CAST: variants seen among roughly 807,000 people sequenced by gnomAD.
The protein encoded by CAST is calpastatin, also known as MIR583 host.
CAST carries 76 observed loss-of-function variants against 119.6 expected under a neutral mutation model. That is an observed-to-expected ratio of 0.64 (90% confidence interval 0.53 to 0.77). The LOEUF is 0.77. CAST is among the 30% of genes least tolerant of loss of function. The pLI is 0.00. For missense variants in CAST, 953 were observed against 946.5 expected (o/e 1.01, Z -0.09); for synonymous variants, 319 against 331.6 (o/e 0.96, Z 0.41).
chr5:96,470,523 T>C, the CAST span, among the ~76,000 whole-genome samples: 1 of 152,088 alleles, frequency 6.6e-6, no homozygotes, highest in East Asian at 1.9e-4. Context: ...AGATTTCCGG[T>C]ATTCAAATTA....
chr5:96,248,995 T>C, the CAST span, among the ~76,000 whole-genome samples: 21 of 152,214 alleles, frequency 1.4e-4, no homozygotes, highest in Non-Finnish European at 2.8e-4. Context: ...AAGGTACTTA[T>C]AGCTGTTTGT....
chr5:96,048,841 C>T, the CAST span, among the ~76,000 whole-genome samples: 1 of 152,060 alleles, frequency 6.6e-6, no homozygotes, highest in Non-Finnish European at 1.5e-5. Context: ...AGACGTAGTT[C>T]CCAAAGAGTA....
At position 96,695,844 on chromosome 5, in the gene CAST, A is replaced by C. The variant is rs756869228; in HGVS notation, c.147A>C (p.Ala49=). The C allele has an allele frequency of 4.3e-6, 7 of 1,611,630 alleles. No homozygotes were observed. In the South Asian group the frequency reaches 7.7e-5, roughly 18 times the overall value. ...GEKKGSDEKK[A]ASLGSSQSSR... ...TATTTTCTATTTTCAAGAAAAAAGC[A>C]GCAAGCCTCGGCAGCAGTCAATCCT... Residue 49 remains alanine (A), a synonymous_variant, in exon 3 of 32, where the codon GCA becomes GCC. Transcript: ENST00000675179.
At chr5:96,298,879 AGTGT>A in the CAST span, among the ~76,000 whole-genome samples, 5 of 149,586 alleles carry the variant, frequency 3.3e-5, no homozygotes, top group Non-Finnish European at 7.4e-5. Flanking sequence ...AAATTAGGAG[AGTGT>A]GTGTGTGTGT....
chr5:96,663,539 A>G (rs1405804529), intron 1 of CAST, among the ~76,000 whole-genome samples: 1 of 152,212 alleles, frequency 6.6e-6, no homozygotes, highest in African/African-American at 2.4e-5. Flanking sequence ...GCTTTGATCT[A>G]GAGTTCTTTT....
chr5:96,446,652 G>C, the CAST span, among the ~76,000 whole-genome samples: 2 of 152,156 alleles, frequency 1.3e-5, no homozygotes, highest in African/African-American at 2.4e-5. Flanking sequence ...AATCTATAAA[G>C]TCAAGGTCAT....
the CAST span, among the ~76,000 whole-genome samples, chr5:96,452,640 TAAAAA>T: frequency 4.4e-3 from 395 of 90,134 alleles, 6 homozygotes; most frequent in East Asian, 0.055. Flanking sequence ...TAAAGTATAA[TAAAAA>T]AAAAAAAAAA....
intron 1 of CAST, among the ~76,000 whole-genome samples, chr5:96,605,064 G>A (rs1479619189): frequency 6.6e-6 from 1 of 152,134 alleles, no homozygotes; most frequent in Non-Finnish European, 1.5e-5. Flanking sequence ...GGACATTGAG[G>A]TTGACTCCAA....
the CAST span, among the ~76,000 whole-genome samples, chr5:96,476,146 C>T: frequency 6.6e-6 from 1 of 152,104 alleles, no homozygotes; most frequent in Non-Finnish European, 1.5e-5. Context: ...AATCTTTTCC[C>T]TGCTAGCAGG....
the CAST span, chr5:96,394,878 C>A: frequency 1.9e-5 from 31 of 1,614,128 alleles, no homozygotes; most frequent in South Asian, 8.8e-5. Context: ...CCTGGATCCA[C>A]CATCTTCTCC....
chr5:96,707,341 G>GA (rs1225530670), intron 3 of CAST, among the ~76,000 whole-genome samples: 1 of 151,040 alleles, frequency 6.6e-6, no homozygotes, highest in Non-Finnish European at 1.5e-5. Context: ...TTATATGTTA[G>GA]AAAAAATGAT....
intron 16 of CAST, chr5:96,743,510 G>C: frequency 7.1e-7 from 1 of 1,411,072 alleles, no homozygotes; most frequent in Non-Finnish European, 9.4e-7. Context: ...GTGCTGGCAG[G>C]CATTGCTGTC....
intron 1 of CAST, among the ~76,000 whole-genome samples, chr5:96,602,801 A>C (rs1193382157): frequency 6.6e-6 from 1 of 152,206 alleles, no homozygotes; most frequent in Non-Finnish European, 1.5e-5. Flanking sequence ...GGAGAAGACC[A>C]TTTTGTTTAA....
chr5:96,590,793 A>G (rs1442330523), intron 1 of CAST, among the ~76,000 whole-genome samples: 7 of 152,234 alleles, frequency 4.6e-5, no homozygotes, highest in African/African-American at 1.7e-4. Context: ...AATGTTGGAA[A>G]AATAGTTCTT....
the CAST span, among the ~76,000 whole-genome samples, chr5:96,118,716 A>T: frequency 6.6e-6 from 1 of 151,944 alleles, no homozygotes; most frequent in Non-Finnish European, 1.5e-5. Context: ...CATCTAAAAG[A>T]ACTAGGAAGG....
chr5:96,053,712 A>C, the CAST span, among the ~76,000 whole-genome samples: 1 of 152,250 alleles, frequency 6.6e-6, no homozygotes, highest in South Asian at 2.1e-4. Context: ...TAAATAGGGC[A>C]GGTCAGAGAG....
At position 96,564,385 on chromosome 5, in the gene CAST, T is replaced by C. The variant is rs557356569; in HGVS notation, c.60+34505T>C. Among the ~76,000 whole-genome samples, 395 of 152,348 alleles carry C rather than the reference T, an allele frequency of 2.6e-3. 2 individuals are homozygous for C. Among genetic ancestry groups the C allele is most frequent in the Non-Finnish European group, 3.9e-3 (263 of 68,024 alleles). ...ACTTTTTCACTTGGGCTGGCTCTGA[T>C]TCCAAGAAAGTTTTCTGAAGTGTAT... On this transcript the variant is annotated intron_variant, in intron 1 of 11. Transcript: ENST00000505143.
the CAST span, among the ~76,000 whole-genome samples, chr5:96,448,943 C>A: frequency 6.6e-6 from 1 of 152,048 alleles, no homozygotes. Context: ...AGTTTATACA[C>A]CTAGTTAGAT....
intron 1 of CAST, among the ~76,000 whole-genome samples, chr5:96,592,552 T>C (rs531213153): frequency 1.3e-5 from 2 of 152,322 alleles, no homozygotes; most frequent in South Asian, 4.1e-4. Context: ...GAATCCCAGT[T>C]TTAGCTTCTC....
Sources: allele counts gnomAD v4.1 joint callset (sites outside exome capture counted in the v4.1 genomes callset), GRCh38; gene constraint gnomAD v4.1.1; transcripts MANE v1.5; gene names NCBI Gene and HGNC (gene_info 2026-07-23, HGNC 2026-07-21).